The following CRYZL1 variants were observed in gnomAD, a reference collection of about 807,000 sequenced individuals.
The protein encoded by CRYZL1 is crystallin zeta like 1, also known as ferry endosomal RAB5 effector complex subunit 4.
Under a neutral mutation model 50.6 loss-of-function variants are expected in CRYZL1, and 34 were observed. That is an observed-to-expected ratio of 0.67 (90% CI 0.51 to 0.89). The LOEUF is 0.89. Among genes scored for constraint, CRYZL1 ranks in the 40% least tolerant of loss-of-function variants. The pLI is 0.00. For synonymous variants in CRYZL1, 125 were observed against 134.3 expected, an observed-to-expected ratio of 0.93 and a Z score of 0.48; for missense variants, 354 against 402.3, an observed-to-expected ratio of 0.88 and a Z score of 1.03.
intron 8 of CRYZL1, among the ~76,000 whole-genome samples, chr21:33,600,475 A>T (rs2086739579): frequency 6.6e-6 from 1 of 152,146 alleles, no homozygotes; most frequent in Non-Finnish European, 1.5e-5. Context: ...AGAGCTGCTC[A>T]GATTAGTGGT....
intron 3 of CRYZL1, among the ~76,000 whole-genome samples, chr21:33,623,257 C>T (rs1450187092): frequency 6.6e-6 from 1 of 152,092 alleles, no homozygotes; most frequent in African/African-American, 2.4e-5. Flanking sequence ...AGCCACTGTG[C>T]CTGGCCACAG....
intron 7 of CRYZL1, among the ~76,000 whole-genome samples, chr21:33,602,676 A>C (rs902130851): frequency 6.6e-6 from 1 of 152,204 alleles, no homozygotes; most frequent in Non-Finnish European, 1.5e-5. Context: ...GCGATGGTCT[A>C]AGCTAATTAT....
intron 1 of CRYZL1, among the ~76,000 whole-genome samples, chr21:33,633,344 C>T (rs1342441811): frequency 6.6e-6 from 1 of 152,176 alleles, no homozygotes; most frequent in Non-Finnish European, 1.5e-5. Flanking sequence ...CTTCCAAAGT[C>T]ATTACTCCTA....
At chr21:33,637,760 C>CATATATATATATATAT (rs10536195) in intron 1 of CRYZL1, among the ~76,000 whole-genome samples, 30 of 131,708 alleles carry the variant, frequency 2.3e-4, no homozygotes, top group African/African-American at 5.4e-4. Context: ...AAGAGAAAAA[C>CATATATATATATATAT]ATATATATAT....
At chr21:33,638,599 A>G (rs1404537955) in intron 1 of CRYZL1, among the ~76,000 whole-genome samples, 2 of 152,208 alleles carry the variant, frequency 1.3e-5, no homozygotes, top group African/African-American at 4.8e-5. Context: ...AGAAATATGT[A>G]TATTCAAAGG....
chr21:33,624,229 AT>A (rs1255287538), intron 3 of CRYZL1, among the ~76,000 whole-genome samples: 1 of 152,070 alleles, frequency 6.6e-6, no homozygotes, highest in East Asian at 1.9e-4. Flanking sequence ...AGCACACTAA[AT>A]TTTTTCCCCT....
chr21:33,612,674 T>C (rs1455845390), intron 6 of CRYZL1, among the ~76,000 whole-genome samples: 1 of 152,192 alleles, frequency 6.6e-6, no homozygotes, highest in Admixed American at 6.5e-5. Context: ...CCTGATTACT[T>C]AGGAGATGAA....
intron 11 of CRYZL1, chr21:33,595,055 C>T (rs968456585): frequency 2.0e-5 from 10 of 507,628 alleles, no homozygotes; most frequent in African/African-American, 1.5e-4. Flanking sequence ...CTAAGCCAGT[C>T]ATTTTAGAAA....
intron 1 of CRYZL1, among the ~76,000 whole-genome samples, chr21:33,632,281 G>T (rs946813295): frequency 1.3e-5 from 2 of 151,906 alleles, no homozygotes; most frequent in African/African-American, 4.8e-5. Context: ...GCGGTGAGCC[G>T]AGATCGCGCC....
intron 1 of CRYZL1, chr21:33,640,270 C>T (rs2087264656): frequency 1.3e-6 from 2 of 1,527,386 alleles, no homozygotes; most frequent in East Asian, 5.0e-5. Flanking sequence ...AACTACCTCA[C>T]TTTCAAATCT....
intron 11 of CRYZL1, among the ~76,000 whole-genome samples, chr21:33,591,917 C>A (rs1474857171): frequency 6.7e-6 from 1 of 150,216 alleles, no homozygotes; most frequent in Non-Finnish European, 1.5e-5. Context: ...GGAATGAGCA[C>A]TGCACTCCAG....
intron 6 of CRYZL1, among the ~76,000 whole-genome samples, chr21:33,608,999 T>C (rs1328289504): frequency 3.3e-5 from 5 of 152,254 alleles, no homozygotes; most frequent in Admixed American, 3.3e-4. Flanking sequence ...TTTCTCCACA[T>C]TCTCGCCAAT....
At chr21:33,594,128 A>T (rs1023670022) in intron 11 of CRYZL1, among the ~76,000 whole-genome samples, 5 of 151,294 alleles carry the variant, frequency 3.3e-5, no homozygotes, top group African/African-American at 1.2e-4. Flanking sequence ...ATTCTTAATA[A>T]TTACAATGTT....
intron 4 of CRYZL1, among the ~76,000 whole-genome samples, chr21:33,621,322 T>A (rs548718862): frequency 5.4e-5 from 8 of 148,094 alleles, no homozygotes; most frequent in South Asian, 4.3e-4. Flanking sequence ...AAAAAAAACA[T>A]CATGTAATTT....
chr21:33,640,527 G>A (rs906139754), intron 1 of CRYZL1, among the ~76,000 whole-genome samples: 1 of 151,942 alleles, frequency 6.6e-6, no homozygotes, highest in Non-Finnish European at 1.5e-5. Flanking sequence ...GTTGCCATAA[G>A]GATTAAATAA....
rs1223705312 is a variant in CRYZL1, at chr21:33,589,881, CT to C, written c.990del (p.Val331PhefsTer30). On this transcript the variant is annotated frameshift_variant, in exon 13 of 13. Coordinates refer to ENST00000381554, the MANE Select transcript of CRYZL1 (RefSeq NM_145858.3). LOFTEE classifies it high-confidence loss of function. ...LDEPIPLYEA[K>X]VSMEAVQKNQ... Reference sequence around the variant, plus strand: ...TTTTTCTGAACAGCTTCCATGGAAACTTTTGCCTCATACAGTGGAATGGGTT... The same window carrying C: ...TTTTTCTGAACAGCTTCCATGGAAACTTTGCCTCATACAGTGGAATGGGTT... The C allele has an allele frequency of 6.2e-7, 1 of 1,612,348 alleles. No homozygotes were observed. The highest frequency in any genetic ancestry group is 8.5e-7 in the Non-Finnish European group (1 of 1,179,348).
chr21:33,600,072 A>AC (rs999180560), intron 8 of CRYZL1, among the ~76,000 whole-genome samples: 6 of 152,190 alleles, frequency 3.9e-5, no homozygotes, highest in East Asian at 1.9e-4. Flanking sequence ...TGCACTCTAT[A>AC]CCCCAATAAA....
chr21:33,630,076 T>C (rs960289644), intron 2 of CRYZL1, among the ~76,000 whole-genome samples: 1 of 152,164 alleles, frequency 6.6e-6, no homozygotes, highest in Admixed American at 6.6e-5. Flanking sequence ...ATCCCTGGGA[T>C]GAACACCACT....
At chr21:33,596,060 A>C in intron 10 of CRYZL1, 1 of 598,944 alleles carries the variant, frequency 1.7e-6, no homozygotes, top group Non-Finnish European at 3.1e-6. Flanking sequence ...CCAATCTAGA[A>C]TCCTGGTGGT....
Sources: gnomAD v4.1 joint callset for allele counts (sites outside exome capture counted in the v4.1 genomes callset) on GRCh38, gnomAD v4.1.1 for gene constraint, MANE v1.5 for transcripts, NCBI Gene and HGNC (gene_info 2026-07-23, HGNC 2026-07-21) for gene names.